The following SRRM4 variants were observed in gnomAD, a reference collection of about 807,000 sequenced individuals.
SRRM4 encodes serine/arginine repetitive matrix protein 4.
Under a neutral mutation model 68.9 loss-of-function variants are expected in SRRM4, and 33 were observed. The ratio of observed to expected loss-of-function variants is 0.48; its 90% confidence interval spans 0.36 to 0.64. The LOEUF is 0.64. Ranked by LOEUF, SRRM4 falls within the 30% of genes least tolerant of loss-of-function variation. The pLI is 0.00. For synonymous variants in SRRM4, 318 were observed against 318.8 expected (o/e 1.00, Z 0.03); for missense variants, 817 against 827.1 (o/e 0.99, Z 0.15).
Position 119,158,567 on chromosome 12 carries a change from C to T in SRRM4, c.*1769C>T, listed in dbSNP as rs1183994052. The T allele has an allele frequency of 6.6e-6, 1 of 152,370 alleles. No homozygotes were observed. The highest frequency in any genetic ancestry group is 1.5e-5 in the Non-Finnish European group (1 of 68,148). 9.4% of individuals were successfully genotyped at this position (152,370 alleles called of 1,614,324 possible). ...CCCCATACCGGGCCTCTGGCCCAGACCTAAGCCCTGCCCACAAAGACTAAT... is the reference window on the plus strand; with the variant it reads ...CCCCATACCGGGCCTCTGGCCCAGATCTAAGCCCTGCCCACAAAGACTAAT... On this transcript the variant is annotated 3_prime_UTR_variant, in exon 13 of 13. Transcript: ENST00000267260.
At chr12:119,074,300 T>TATTATGGTA (rs1288516658) in intron 1 of SRRM4, among the ~76,000 whole-genome samples, 3 of 152,170 alleles carry the variant, frequency 2.0e-5, no homozygotes, top group African/African-American at 7.2e-5. Context: ...TTACCATAAA[T>TATTATGGTA]AGCTCCAAAT....
intron 1 of SRRM4, among the ~76,000 whole-genome samples, chr12:119,080,491 G>T (rs1298312627): frequency 1.3e-5 from 2 of 152,080 alleles, no homozygotes; most frequent in African/African-American, 4.8e-5. Context: ...AACATTTAAG[G>T]TTATGAAAGA....
At chr12:119,093,830 C>T (rs969606039) in intron 1 of SRRM4, among the ~76,000 whole-genome samples, 2 of 152,190 alleles carry the variant, frequency 1.3e-5, no homozygotes, top group South Asian at 2.1e-4. Context: ...TCTCAACAAT[C>T]GAATCCAATC....
rs79446943 is a variant in SRRM4 at position 118,993,277 on chromosome 12, A to G, written c.131+11264A>G. On this transcript the variant is annotated intron_variant, in intron 1 of 12. Coordinates refer to ENST00000267260, the MANE Select transcript of SRRM4 (RefSeq NM_194286.4). ...GGTGGGAATGGTGTGACCGTCTTTA[A>G]TCACTGACCCAGGCTGCACTGCCTA... Among the ~76,000 whole-genome samples, 899 of 152,294 alleles carry G rather than the reference A, an allele frequency of 5.9e-3. 26 individuals carry two copies. The East Asian group carries it at 0.1, about 18-fold the overall frequency.
At chr12:119,090,734 G>GC (rs1954009615) in intron 1 of SRRM4, among the ~76,000 whole-genome samples, 1 of 152,170 alleles carries the variant, frequency 6.6e-6, no homozygotes, top group South Asian at 2.1e-4. Flanking sequence ...TGTAGCACTC[G>GC]CCCCTACTGG....
At chr12:119,135,913 T>C (rs1324379402) in intron 8 of SRRM4, among the ~76,000 whole-genome samples, 1 of 152,162 alleles carries the variant, frequency 6.6e-6, no homozygotes, top group Non-Finnish European at 1.5e-5. Context: ...CTAATAATAA[T>C]CATACCTACT....
chr12:119,010,519 C>G (rs1026501944), intron 1 of SRRM4, among the ~76,000 whole-genome samples: 1 of 152,266 alleles, frequency 6.6e-6, no homozygotes, highest in East Asian at 1.9e-4. Flanking sequence ...CCCTCCAGAT[C>G]GATTAAAACT....
chr12:119,141,867 C>A (rs949638799), intron 8 of SRRM4, among the ~76,000 whole-genome samples: 3 of 152,142 alleles, frequency 2.0e-5, no homozygotes, highest in Non-Finnish European at 4.4e-5. Context: ...TGAGTGAATT[C>A]AAGATTCAGT....
intron 8 of SRRM4, chr12:119,144,653 T>A (rs190403336): frequency 6.6e-6 from 1 of 152,328 alleles, no homozygotes. Flanking sequence ...CACACAAATA[T>A]CTATAGTGAC....
At chr12:118,997,439 C>T (rs767194659) in intron 1 of SRRM4, among the ~76,000 whole-genome samples, 5 of 152,214 alleles carry the variant, frequency 3.3e-5, no homozygotes, top group Non-Finnish European at 7.3e-5. Flanking sequence ...CCATGTGGCA[C>T]CTTTCTGGTC....
chr12:119,025,564 C>G (rs1239108867), intron 1 of SRRM4, among the ~76,000 whole-genome samples: 1 of 152,162 alleles, frequency 6.6e-6, no homozygotes, highest in East Asian at 1.9e-4. Context: ...CCTGCCTCAG[C>G]CTCCCGAGTA....
rs1334697214 is a variant in SRRM4 at position 118,981,754 on chromosome 12, T to A, written c.-129T>A. On this transcript the variant is annotated 5_prime_UTR_variant, in exon 1 of 13. Coordinates refer to ENST00000267260, the MANE Select transcript of SRRM4 (RefSeq NM_194286.4). ...TCCCATCCCCCGCCCTGAACTCCGA[T>A]CTCTCCCACCCCACCCCTCTCTGGG... 3 of 996,380 alleles carry A rather than the reference T, an allele frequency of 3.0e-6. No individual in the cohort carries two copies. The highest frequency in any genetic ancestry group is 2.8e-6 in the Non-Finnish European group (2 of 706,378). 61.7% of individuals were successfully genotyped at this position (996,380 alleles called of 1,614,324 possible).
chr12:119,063,263 A>G (rs578028113), intron 1 of SRRM4, among the ~76,000 whole-genome samples: 27 of 152,338 alleles, frequency 1.8e-4, no homozygotes, highest in African/African-American at 5.3e-4. Flanking sequence ...CCATGTATGC[A>G]TGAGACTTTA....
At chr12:119,147,986 G>C (rs568908608) in intron 9 of SRRM4, among the ~76,000 whole-genome samples, 2 of 152,276 alleles carry the variant, frequency 1.3e-5, no homozygotes, top group Admixed American at 1.3e-4. Flanking sequence ...GCCTGGTGCT[G>C]GGGATTTAAA....
At chr12:119,028,311 T>C (rs1953562321) in intron 1 of SRRM4, among the ~76,000 whole-genome samples, 1 of 152,154 alleles carries the variant, frequency 6.6e-6, no homozygotes, top group African/African-American at 2.4e-5. Flanking sequence ...AATCTCATCT[T>C]GAATTGCAGC....
chr12:119,029,401 G>A (rs1953572007), intron 1 of SRRM4, among the ~76,000 whole-genome samples: 1 of 152,226 alleles, frequency 6.6e-6, no homozygotes, highest in Non-Finnish European at 1.5e-5. Flanking sequence ...GCCAAGATAA[G>A]AATTTGGACC....
chr12:119,145,678 G>C lies in SRRM4; in HGVS notation c.1069G>C (p.Glu357Gln). 2 of 1,521,226 alleles carry C rather than the reference G, an allele frequency of 1.3e-6. No homozygotes were observed. Among genetic ancestry groups the C allele is most frequent in the Non-Finnish European group, 1.8e-6 (2 of 1,135,374 alleles). 94.2% of individuals were successfully genotyped at this position (1,521,226 alleles called of 1,614,324 possible). A position where few individuals can be genotyped will look rare whatever the true frequency, so the allele number is the denominator to read the frequency against. Reference protein sequence around the residue: ...ENLSPTSRGRESRGFQSPCLE... With the variant: ...ENLSPTSRGRQSRGFQSPCLE... ...TCTCTCCCCCACCAGCAGGGGCAGA[G>C]AGTCAAGGTCAGTGCACCACACAGG... is the stretch of plus-strand genomic sequence containing the variant. The change falls in exon 9 of 13, where the codon GAG becomes CAG. Residue 357 changes from glutamate to glutamine, a missense_variant. Coordinates refer to ENST00000267260, the MANE Select transcript of SRRM4 (RefSeq NM_194286.4).
At chr12:119,142,998 A>T (rs777197774) in intron 8 of SRRM4, among the ~76,000 whole-genome samples, 3 of 152,230 alleles carry the variant, frequency 2.0e-5, no homozygotes, top group Admixed American at 2.0e-4. Flanking sequence ...CCACCAGAGC[A>T]ACCTTATTTT....
intron 6 of SRRM4, among the ~76,000 whole-genome samples, chr12:119,122,823 G>T (rs947986173): frequency 6.6e-6 from 1 of 152,194 alleles, no homozygotes; most frequent in Non-Finnish European, 1.5e-5. Flanking sequence ...ATGGGTGCAC[G>T]TGTGTGAGCA....
Sources: gnomAD v4.1 joint callset for allele counts (sites outside exome capture counted in the v4.1 genomes callset) on GRCh38, gnomAD v4.1.1 for gene constraint, MANE v1.5 for transcripts, NCBI Gene and HGNC (gene_info 2026-07-23, HGNC 2026-07-21) for gene names.